Variants in COL4A4 observed in about 807,000 individuals in gnomAD.
COL4A4 encodes collagen type IV alpha 4 chain, also known as collagen alpha-4(IV) chain.
A neutral mutation model predicts 192.9 loss-of-function variants in COL4A4; 105 were observed. The ratio of observed to expected loss-of-function variants is 0.54; its 90% CI spans 0.46 to 0.64. COL4A4 has a LOEUF of 0.64. COL4A4 is among the 30% of genes least tolerant of loss of function. COL4A4 has a pLI of 0.00. For synonymous variants in COL4A4, 762 were observed against 769.9 expected, an observed-to-expected ratio of 0.99 and a Z score of 0.17; for missense variants, 1,967 against 2,169.3, an observed-to-expected ratio of 0.91 and a Z score of 1.85.
At chr2:227,121,833 A>G (rs899695137) in intron 4 of COL4A4, among the ~76,000 whole-genome samples, 3 of 152,180 alleles carry the variant, frequency 2.0e-5, no homozygotes, top group Non-Finnish European at 4.4e-5. Context: ...TCTGTCAATC[A>G]AATTTAGAGA....
chr2:227,090,099 G>A, intron 20 of COL4A4, 142 bp from the exon 21 acceptor site: 1 of 634,206 alleles, frequency 1.6e-6, no homozygotes, highest in Non-Finnish European at 2.8e-6. Flanking sequence ...TGTTTTCCTA[G>A]GATTCTTTCT....
At chr2:227,115,740 C>T (rs1293050589) in intron 7 of COL4A4, among the ~76,000 whole-genome samples, 1 of 152,176 alleles carries the variant, frequency 6.6e-6, no homozygotes, top group East Asian at 1.9e-4. Flanking sequence ...GGTTAAATTG[C>T]ATCAACAATT....
chr2:227,000,805 C>T (rs932063506), downstream of COL4A4, among the ~76,000 whole-genome samples: 4 of 151,776 alleles, frequency 2.6e-5, no homozygotes, highest in African/African-American at 9.7e-5. Context: ...CTCATGGAAT[C>T]ATGGGGGAAC....
At chr2:227,064,511 A>C (rs2058174664) in intron 25 of COL4A4, among the ~76,000 whole-genome samples, 1 of 152,242 alleles carries the variant, frequency 6.6e-6, no homozygotes, top group Non-Finnish European at 1.5e-5. Flanking sequence ...AGATCTAGAT[A>C]TCCAAAGCCA....
intron 1 of COL4A4, among the ~76,000 whole-genome samples, chr2:227,157,213 T>C (rs893223583): frequency 6.6e-6 from 1 of 151,990 alleles, no homozygotes; most frequent in South Asian, 2.1e-4. Context: ...AAATAACCCA[T>C]GAGTCAAGGA....
chr2:227,025,078 AGAAACT>A (rs143661895), intron 43 of COL4A4, among the ~76,000 whole-genome samples: 2,156 of 152,348 alleles, frequency 0.014, 52 homozygotes, highest in African/African-American at 0.049. Context: ...TTAATAAGTC[AGAAACT>A]GAAAAATAAA....
At chr2:227,039,724 G>A (rs1326802774) in intron 37 of COL4A4, among the ~76,000 whole-genome samples, 1 of 152,134 alleles carries the variant, frequency 6.6e-6, no homozygotes, top group Non-Finnish European at 1.5e-5. Context: ...TTTACCAACT[G>A]TCTTCCGGAC....
chr2:227,010,466 C>T lies in COL4A4; in HGVS notation c.4369G>A (p.Gly1457Arg), dbSNP rs746683977. 2 of 1,597,766 alleles carry T rather than the reference C, an allele frequency of 1.3e-6. No homozygotes were observed. Among genetic ancestry groups the T allele is most frequent in the African/African-American group, 2.7e-5 (2 of 74,360 alleles). Residue 1457 changes from glycine to arginine, a missense_variant, in exon 46 of 48, where the codon GGG becomes AGG. Transcript: ENST00000396625. The stretch of plus-strand genomic sequence containing the variant: ...CCACCGAGGTATCCAGGGCCAAACC[C>T]TTTGGGCCCAGGATCCCCAATGGGA... The part of the protein sequence containing the change: ...PGPIGDPGPK[G>R]FGPGYLGGFL...
At chr2:227,051,274 A>G (rs1974044155) in intron 32 of COL4A4, 116 bp from the exon 33 acceptor site, 1 of 1,066,888 alleles carries the variant, frequency 9.4e-7, no homozygotes, top group Admixed American at 1.7e-5. Flanking sequence ...GAGGATTCTG[A>G]TTGCTGTCCC....
intron 43 of COL4A4, chr2:227,022,527 G>T: frequency 1.8e-6 from 1 of 550,704 alleles, no homozygotes; most frequent in Non-Finnish European, 3.7e-6. Context: ...TTTTACTGGA[G>T]TAGCAGCCAC....
chr2:226,974,289 G>A, the COL4A4 span, among the ~76,000 whole-genome samples: 1 of 151,812 alleles, frequency 6.6e-6, no homozygotes, highest in Non-Finnish European at 1.5e-5. Context: ...CCAGGCTGGA[G>A]TGCAGTGGTG....
intron 25 of COL4A4, among the ~76,000 whole-genome samples, chr2:227,066,366 C>T (rs568977334): frequency 1.5e-3 from 229 of 151,326 alleles, no homozygotes; most frequent in African/African-American, 5.0e-3. Flanking sequence ...ATACAGAGAA[C>T]GCCACAAAGA....
At chr2:227,130,707 C>T (rs1043698049) in intron 4 of COL4A4, among the ~76,000 whole-genome samples, 1 of 152,188 alleles carries the variant, frequency 6.6e-6, no homozygotes, top group Non-Finnish European at 1.5e-5. Flanking sequence ...TTCTGAGTGC[C>T]AGTCACATAT....
chr2:226,982,757 C>G, the COL4A4 span, among the ~76,000 whole-genome samples: 1 of 152,156 alleles, frequency 6.6e-6, no homozygotes, highest in Non-Finnish European at 1.5e-5. Flanking sequence ...TTAGCTTGTT[C>G]TTTCATTCAT....
At chr2:227,145,481 C>T (rs1220288195) in intron 2 of COL4A4, among the ~76,000 whole-genome samples, 1 of 152,096 alleles carries the variant, frequency 6.6e-6, no homozygotes, top group Non-Finnish European at 1.5e-5. Flanking sequence ...TAAACATCTG[C>T]ATATATTTTC....
chr2:227,033,633 A>T, intron 37 of COL4A4, 152 bp from the exon 38 acceptor site: 1 of 698,588 alleles, frequency 1.4e-6, no homozygotes, highest in Non-Finnish European at 2.6e-6. Flanking sequence ...GTGGAAACCC[A>T]GGCCCAGGAC....
At chr2:227,066,628 T>A (rs2058356838) in intron 25 of COL4A4, among the ~76,000 whole-genome samples, 2 of 148,248 alleles carry the variant, frequency 1.3e-5, no homozygotes, top group African/African-American at 5.0e-5. Context: ...GCTTCATAAG[T>A]GAAGGAGAAA....
At chr2:226,979,006 A>G in the COL4A4 span, among the ~76,000 whole-genome samples, 1 of 152,192 alleles carries the variant, frequency 6.6e-6, no homozygotes, top group Non-Finnish European at 1.5e-5. Flanking sequence ...AAAAGAGTTT[A>G]TTATGGAGAA....
chr2:227,104,183 A>T, intron 12 of COL4A4, 131 bp from the exon 13 acceptor site: 1 of 767,046 alleles, frequency 1.3e-6, no homozygotes, highest in Non-Finnish European at 2.3e-6. Flanking sequence ...TGGCAAGTAC[A>T]TCATAGAATA....
Sources: allele counts gnomAD v4.1 joint callset (sites outside exome capture counted in the v4.1 genomes callset), GRCh38; gene constraint gnomAD v4.1.1; transcripts MANE v1.5; gene names NCBI Gene and HGNC (gene_info 2026-07-23, HGNC 2026-07-21).